The following TMEM101 variants were observed in gnomAD, a reference collection of about 807,000 sequenced individuals.
The protein encoded by TMEM101 is transmembrane protein 101, also known as putative NF-kappa-B-activating protein 130.
In TMEM101, 14 loss-of-function variants were observed where a neutral mutation model predicts 26.0. That is an observed-to-expected ratio of 0.54 (90% CI 0.36 to 0.84). The LOEUF (loss-of-function observed/expected upper bound fraction) is 0.84, where lower values mean the gene tolerates loss of function less well. TMEM101 is among the 40% of genes least tolerant of loss of function. The pLI is 0.01. For missense variants in TMEM101, 292 were observed against 345.1 expected (o/e 0.85, Z 1.22); for synonymous variants, 152 against 145.1 (o/e 1.05, Z -0.34).
chr17:44,023,132 GA>G (rs2049301248), upstream of TMEM101: 1 of 258,414 alleles, frequency 3.9e-6, no homozygotes, highest in African/African-American at 2.3e-5. Flanking sequence ...GAGGTCTCAT[GA>G]AGCTTCGGCG....
upstream of TMEM101, among the ~76,000 whole-genome samples, chr17:44,018,343 C>T (rs949475148): frequency 2.0e-5 from 3 of 151,966 alleles, no homozygotes; most frequent in Non-Finnish European, 4.4e-5. Flanking sequence ...TAAAAAAACA[C>T]GAGAGAGGAA....
chr17:44,015,017 C>T (rs2049213882), upstream of TMEM101: 2 of 1,533,768 alleles, frequency 1.3e-6, no homozygotes, highest in African/African-American at 1.4e-5. Context: ...GGATGGGACA[C>T]GCAGCTTCCG....
intron 3 of TMEM101, chr17:44,012,492 C>G: frequency 1.9e-6 from 1 of 526,928 alleles, no homozygotes. Context: ...AGAGCTCCCA[C>G]CTCTGAATAT....
Position 44,012,518 on chromosome 17 carries a change from G to A in TMEM101, c.466-282C>T, listed in dbSNP as rs919161401. 1.0e-5 allele frequency: 5 copies of A among 501,334 alleles called. No homozygotes were observed. In the Admixed American group the frequency reaches 1.8e-4, roughly 18 times the overall value. 31.1% of individuals were successfully genotyped at this position (501,334 alleles called of 1,614,324 possible). A position where few individuals can be genotyped will look rare whatever the true frequency, so the allele number is the denominator to read the frequency against. Reference sequence around the variant, plus strand: ...CTCTGAATATGGGAGCCCACACAGAGAGCTGTACAGAGATATACTCGGTAA... The same window carrying A: ...CTCTGAATATGGGAGCCCACACAGAAAGCTGTACAGAGATATACTCGGTAA... On this transcript the variant is annotated intron_variant, in intron 3 of 3. Coordinates refer to ENST00000206380, the MANE Select transcript of TMEM101 (RefSeq NM_032376.4).
At chr17:44,014,262 G>T in intron 2 of TMEM101, 95 bp downstream of exon 2, 2 of 1,412,928 alleles carry the variant, frequency 1.4e-6, no homozygotes, top group African/African-American at 1.4e-5. Context: ...TGTGCAGCTG[G>T]CCAGCACCAT....
In TMEM101 at chr17:44,014,960, A is replaced by G. The variant is rs77536093; in HGVS notation, c.-8T>C. 0.048 allele frequency: 76,745 copies of G among 1,608,546 alleles called. 2,250 individuals carry two copies. Among genetic ancestry groups the G allele is most frequent in the East Asian group, 0.12 (5,189 of 44,678 alleles). On this transcript the variant is annotated 5_prime_UTR_variant, in exon 1 of 4. Coordinates refer to ENST00000206380, the MANE Select transcript of TMEM101 (RefSeq NM_032376.4). ...ACCTATCTTCGACGCCATCTTGGGA[A>G]AGGGCAGTCCGCTGCGGCCTCACCC...
At position 44,011,672 on chromosome 17, in the gene TMEM101, G is replaced by T; in HGVS notation, c.*256C>A. The T allele has an allele frequency of 2.0e-6, 1 of 492,658 alleles. No homozygotes were observed. Among genetic ancestry groups the T allele is most frequent in the Non-Finnish European group, 3.6e-6 (1 of 276,722 alleles). The allele number at this position is 492,658 out of a possible 1,614,324, so 30.5% of individuals were successfully genotyped here. A position where few individuals can be genotyped will look rare whatever the true frequency, so the allele number is the denominator to read the frequency against. On this transcript the variant is annotated 3_prime_UTR_variant, in exon 4 of 4. Transcript: ENST00000206380. ...CTTCTCAGGGACAGGAGACTCAGTG[G>T]GCAGCTGGCCTCAGCTCTCCTAACA...
chr17:44,017,152 CAAA>C (rs11406745), upstream of TMEM101, among the ~76,000 whole-genome samples: 1 of 135,294 alleles, frequency 7.4e-6, no homozygotes, highest in African/African-American at 2.8e-5. Flanking sequence ...GACTCTGTCT[CAAA>C]AAAAAAAAAA....
chr17:44,022,734 A>T (rs1355423513), intron 1 of TMEM101, among the ~76,000 whole-genome samples: 1 of 152,192 alleles, frequency 6.6e-6, no homozygotes, highest in Non-Finnish European at 1.5e-5. Flanking sequence ...GGGAGTTCCC[A>T]TCCTTGGATA....
intron 1 of TMEM101, 132 bp from the exon 2 acceptor site, chr17:44,014,669 T>C: frequency 5.3e-6 from 8 of 1,497,138 alleles, no homozygotes; most frequent in Non-Finnish European, 7.2e-6. Context: ...AGGACCGCCC[T>C]ACCAGATTTG....
chr17:44,015,614 C>T (rs1195473306), upstream of TMEM101, among the ~76,000 whole-genome samples: 2 of 152,074 alleles, frequency 1.3e-5, no homozygotes, highest in South Asian at 4.1e-4. Flanking sequence ...AGGATGGTCT[C>T]GATCTCCTGA....
At chr17:44,019,310 C>T (rs2049263387), upstream of TMEM101, 5 of 421,492 alleles carry the variant, frequency 1.2e-5, no homozygotes, top group Non-Finnish European at 2.3e-5. Flanking sequence ...GGACACTGCA[C>T]TCACCAGACT....
At chr17:44,020,393 C>T (rs1029024000) in intron 2 of TMEM101, among the ~76,000 whole-genome samples, 2 of 152,144 alleles carry the variant, frequency 1.3e-5, no homozygotes, top group Middle Eastern at 3.2e-3. Flanking sequence ...CAAAAATAGA[C>T]TGTTTGGTTA....
At chr17:44,020,825 C>T (rs1429427397) in intron 2 of TMEM101, among the ~76,000 whole-genome samples, 1 of 152,202 alleles carries the variant, frequency 6.6e-6, no homozygotes, top group Non-Finnish European at 1.5e-5. Context: ...CCATTCCCAG[C>T]GGCCTCTGGC....
chr17:44,012,891 G>T, intron 3 of TMEM101, 118 bp downstream of exon 3: 1 of 1,163,274 alleles, frequency 8.6e-7, no homozygotes, highest in Non-Finnish European at 1.1e-6. Flanking sequence ...AGGGAACTGG[G>T]CCATCAGGAA....
In TMEM101 at chr17:44,012,129, G is replaced by A; in HGVS notation, c.573C>T (p.Ala191=). The change falls in exon 4 of 4, where the codon GCC becomes GCT. Residue 191 remains alanine, a synonymous_variant. Transcript: ENST00000206380. ...CGTAGTAGCCTGACAGAAAGGCCAG[G>A]GCCAGGATGCCATACAGCACGAAGA... ...QLFFVLYGIL[A]LAFLSGYYVT... 2 of 1,614,248 alleles carry A rather than the reference G, an allele frequency of 1.2e-6. No individual in the cohort carries two copies. The highest frequency in any genetic ancestry group is 1.3e-5 in the African/African-American group (1 of 75,066).
At chr17:44,013,562 G>A (rs569099557) in intron 2 of TMEM101, among the ~76,000 whole-genome samples, 1 of 152,320 alleles carries the variant, frequency 6.6e-6, no homozygotes, top group South Asian at 2.1e-4. Flanking sequence ...GGGAGACTGA[G>A]GCAGGAGAAT....
Position 44,014,444 on chromosome 17 carries a change from C to G in TMEM101, c.231G>C (p.Trp77Cys). The change falls in exon 2 of 4, where the codon TGG becomes TGC. Residue 77 changes from tryptophan to cysteine, a missense_variant. This residue lies in a region of TMEM101 where 143 missense variants were observed against 133.2 expected (regional missense o/e 1.07). Coordinates refer to ENST00000206380, the MANE Select transcript of TMEM101 (RefSeq NM_032376.4). ...ATTGGAGTGCGGCCCCCAGCGCGAA[C>G]CAGCGCCGCTTCACGCCAAAGGACA... is the stretch of plus-strand genomic sequence containing the variant. Reference protein sequence around the residue: ...SFMSFGVKRRWFALGAALQLA... With the variant: ...SFMSFGVKRRCFALGAALQLA... 3 of 1,558,796 alleles carry G rather than the reference C, an allele frequency of 1.9e-6. No individual in the cohort carries two copies. Among genetic ancestry groups the G allele is most frequent in the Middle Eastern group, 1.7e-4 (1 of 6,000 alleles).
At chr17:44,015,095 A>G, upstream of TMEM101, 1 of 1,191,578 alleles carries the variant, frequency 8.4e-7, no homozygotes, top group Non-Finnish European at 1.1e-6. Context: ...ATCTAAGGTG[A>G]CCCAGTTGCG....
Sources: gnomAD v4.1 joint callset for allele counts (sites outside exome capture counted in the v4.1 genomes callset) on GRCh38, gnomAD v4.1.1 for gene constraint, gnomAD v4.1.1 regional missense constraint, MANE v1.5 for transcripts, NCBI Gene and HGNC (gene_info 2026-07-23, HGNC 2026-07-21) for gene names.